The following SMKR1 variants were observed in gnomAD, a reference collection of about 807,000 sequenced individuals.
SMKR1 encodes small lysine rich protein 1, also known as small lysine-rich protein 1.
Under a neutral mutation model 4.0 loss-of-function variants are expected in SMKR1, and 4 were observed. The ratio of observed to expected loss-of-function variants is 1.00; its 90% CI spans 0.49 to 2.30. The LOEUF is 2.30. Ranked by LOEUF, SMKR1 falls within the 30% of genes most tolerant of loss-of-function variation. SMKR1 has a pLI of 0.02. For synonymous variants in SMKR1, 38 were observed against 32.5 expected (o/e 1.17, Z -0.58); for missense variants, 56 against 81.8 (o/e 0.68, Z 1.22).
rs1290078261 is a variant in SMKR1, at chr7:129,512,540, C to T, written c.*99C>T. On this transcript the variant is annotated 3_prime_UTR_variant, in exon 2 of 2. Coordinates refer to ENST00000462322, the MANE Select transcript of SMKR1 (RefSeq NM_001195243.2). ...CCAGCAACATAGACTTTACTCCAGA[C>T]GACTTGAGATGCAAATTAAGTGTGC... 1.8e-5 allele frequency: 21 copies of T among 1,190,008 alleles called. No homozygotes were observed. The highest frequency in any genetic ancestry group is 2.2e-4 in the Middle Eastern group (1 of 4,488). 73.7% of individuals were successfully genotyped at this position (1,190,008 alleles called of 1,614,324 possible). A position where few individuals can be genotyped will look rare whatever the true frequency, so the allele number is the denominator to read the frequency against.
intron 1 of SMKR1, among the ~76,000 whole-genome samples, chr7:129,504,649 G>C (rs927320579): frequency 5.4e-4 from 82 of 152,102 alleles, no homozygotes; most frequent in African/African-American, 1.8e-3. Context: ...GAATTCCTGG[G>C]CTCAAGGGGT....
rs1421365495 is a variant in SMKR1 at position 129,503,228 on chromosome 7, G to T, written c.3+401G>T. On this transcript the variant is annotated intron_variant, in intron 1 of 1. Coordinates refer to ENST00000462322, the MANE Select transcript of SMKR1 (RefSeq NM_001195243.2). Reference sequence around the variant, plus strand: ...CTCCACTGCTCTGCAGACTCAGGAAGCAGAGAGTGAGCCTGGTACCACCAC... The same window carrying T: ...CTCCACTGCTCTGCAGACTCAGGAATCAGAGAGTGAGCCTGGTACCACCAC... 1.3e-5 allele frequency among the ~76,000 whole-genome samples: 2 copies of T among 151,772 alleles called. 1 individual carries two copies. The highest frequency in any genetic ancestry group is 4.9e-5 in the African/African-American group (2 of 41,046).
At chr7:129,510,419 C>T (rs1352638203) in intron 1 of SMKR1, among the ~76,000 whole-genome samples, 1 of 152,142 alleles carries the variant, frequency 6.6e-6, no homozygotes, top group Admixed American at 6.6e-5. Flanking sequence ...AAATACAGCT[C>T]TGAGTGTTGG....
chr7:129,509,693 A>G (rs1799506535), intron 1 of SMKR1, among the ~76,000 whole-genome samples: 3 of 152,060 alleles, frequency 2.0e-5, no homozygotes, highest in Admixed American at 2.0e-4. Context: ...GGTGCACGCC[A>G]CCACACCTGG....
chr7:129,509,759 T>G (rs1365397683), intron 1 of SMKR1, among the ~76,000 whole-genome samples: 1 of 152,192 alleles, frequency 6.6e-6, no homozygotes. Flanking sequence ...CAGGCTGATC[T>G]CGAACTCCTG....
intron 1 of SMKR1, 64 bp downstream of exon 1, chr7:129,502,891 C>T: frequency 1.3e-6 from 2 of 1,530,878 alleles, no homozygotes; most frequent in South Asian, 2.4e-5. Context: ...CAGGCTGTCC[C>T]GGAGAGGCGC....
intron 1 of SMKR1, among the ~76,000 whole-genome samples, chr7:129,504,436 C>T (rs927294239): frequency 3.9e-5 from 6 of 152,244 alleles, no homozygotes; most frequent in South Asian, 4.1e-4. Flanking sequence ...CCACAGGCCA[C>T]GCTTAGGGAG....
intron 1 of SMKR1, among the ~76,000 whole-genome samples, chr7:129,509,548 G>GTT (rs558982973): frequency 6.9e-6 from 1 of 145,628 alleles, no homozygotes; most frequent in Non-Finnish European, 1.5e-5. Flanking sequence ...TATTTCAGCA[G>GTT]TTTTTTTTTT....
At chr7:129,509,674 G>T (rs1799506349) in intron 1 of SMKR1, among the ~76,000 whole-genome samples, 1 of 152,004 alleles carries the variant, frequency 6.6e-6, no homozygotes, top group Non-Finnish European at 1.5e-5. Context: ...CTAAGTAGCT[G>T]GGATTACAGG....
Position 129,502,763 on chromosome 7 carries a change from G to C in SMKR1, c.-62G>C. ...GGCGCTGGGGGCAGCGGCCCCGGTG[G>C]ATGCTAAGGGCTTCGGGATCGGGAG... is the stretch of plus-strand genomic sequence containing the variant. On this transcript the variant is annotated 5_prime_UTR_variant, in exon 1 of 2. Coordinates refer to ENST00000462322, the MANE Select transcript of SMKR1 (RefSeq NM_001195243.2). The C allele has an allele frequency of 6.5e-7, 1 of 1,534,676 alleles. No homozygotes were observed. Among genetic ancestry groups the C allele is most frequent in the African/African-American group, 1.4e-5 (1 of 72,432 alleles).
chr7:129,505,444 G>A (rs763527292), intron 1 of SMKR1, among the ~76,000 whole-genome samples: 1 of 151,848 alleles, frequency 6.6e-6, no homozygotes, highest in Non-Finnish European at 1.5e-5. Context: ...ACAGAATATA[G>A]ACATGGTGTC....
In SMKR1 at chr7:129,504,351, G is replaced by A. The variant is rs142276311; in HGVS notation, c.3+1524G>A. Among the ~76,000 whole-genome samples, 355 of 152,244 alleles carry A rather than the reference G, an allele frequency of 2.3e-3. 1 individual carries two copies. The highest frequency in any genetic ancestry group is 7.8e-3 in the African/African-American group (324 of 41,524). ...CCATGTTGGCCTTTTTTGGGTTTCCGTCTCTTTGTGCACCTTCTCTCCGGC... is the reference window on the plus strand; with the variant it reads ...CCATGTTGGCCTTTTTTGGGTTTCCATCTCTTTGTGCACCTTCTCTCCGGC... On this transcript the variant is annotated intron_variant, in intron 1 of 1. Transcript: ENST00000462322.
rs1199657885 is a variant in SMKR1 at position 129,512,259 on chromosome 7, A to T, written c.16A>T (p.Lys6Ter). 5 of 1,509,820 alleles carry T rather than the reference A, an allele frequency of 3.3e-6. No individual in the cohort carries two copies. Among genetic ancestry groups the T allele is most frequent in the Non-Finnish European group, 4.4e-6 (5 of 1,140,108 alleles). The allele number at this position is 1,509,820 out of a possible 1,614,324, so 93.5% of individuals were successfully genotyped here. A position where few individuals can be genotyped will look rare whatever the true frequency, so the allele number is the denominator to read the frequency against. Residue 6 changes from lysine to a stop codon, truncating the protein, a stop_gained, in exon 2 of 2, where the codon AAA becomes TAA. Transcript: ENST00000462322. LOFTEE classifies it high-confidence loss of function. The stretch of plus-strand genomic sequence containing the variant: ...TTGTCTTTGAAAGCCAGCTAAAGGG[A>T]AAAAAGGAAAAGGCCAGGGCAAGTC... MPAKG[K>*]KGKGQGKSHG... is the part of the protein sequence containing the mutation.
chr7:129,506,451 T>C (rs1048433886), intron 1 of SMKR1, among the ~76,000 whole-genome samples: 1 of 152,004 alleles, frequency 6.6e-6, no homozygotes, highest in African/African-American at 2.4e-5. Flanking sequence ...AAAAAATAAA[T>C]AAAAAATAAA....
chr7:129,509,371 T>C lies in SMKR1; in HGVS notation c.4-2876T>C, dbSNP rs187304125. 1.1e-3 allele frequency among the ~76,000 whole-genome samples: 160 copies of C among 152,250 alleles called. 1 individual carries two copies. The highest frequency in any genetic ancestry group is 3.8e-3 in the African/African-American group (157 of 41,550). On this transcript the variant is annotated intron_variant, in intron 1 of 1. Coordinates refer to ENST00000462322, the MANE Select transcript of SMKR1 (RefSeq NM_001195243.2). ...AAGTCTTTAAGAGCTTCTGGTAAAA[T>C]GTACATCCCGTACCTCATGGGGCTG...
In SMKR1 at chr7:129,512,385, C is replaced by T; in HGVS notation, c.142C>T (p.Leu48=). The change falls in exon 2 of 2, where the codon CTG becomes TTG. Residue 48 remains leucine (L), a synonymous_variant. Transcript: ENST00000462322. ...IAHNVADCLH[L]RGFHWPGAPK... ...CCACAACGTCGCTGACTGCCTGCAT[C>T]TGCGAGGCTTCCATTGGCCGGGTGC... The T allele has an allele frequency of 6.5e-7, 1 of 1,536,050 alleles. No individual in the cohort carries two copies. The highest frequency in any genetic ancestry group is 8.7e-7 in the Non-Finnish European group (1 of 1,146,866).
At chr7:129,507,276 A>G (rs184653552) in intron 1 of SMKR1, among the ~76,000 whole-genome samples, 66 of 152,252 alleles carry the variant, frequency 4.3e-4, no homozygotes, top group African/African-American at 1.5e-3. Context: ...CGGACTCCCA[A>G]AGTGCTGGGA....
rs1255164390 is a variant in SMKR1, at chr7:129,502,755, C to T, written c.-70C>T. On this transcript the variant is annotated 5_prime_UTR_variant, in exon 1 of 2. Transcript: ENST00000462322. ...GGGGAACGGGCGCTGGGGGCAGCGGCCCCGGTGGATGCTAAGGGCTTCGGG... is the reference window on the plus strand; with the variant it reads ...GGGGAACGGGCGCTGGGGGCAGCGGTCCCGGTGGATGCTAAGGGCTTCGGG... The T allele has an allele frequency of 5.9e-6, 9 of 1,533,840 alleles. No individual in the cohort carries two copies. Among genetic ancestry groups the T allele is most frequent in the Non-Finnish European group, 3.5e-6 (4 of 1,145,984 alleles).
chr7:129,510,083 G>A (rs1270122564), intron 1 of SMKR1, among the ~76,000 whole-genome samples: 1 of 152,122 alleles, frequency 6.6e-6, no homozygotes, highest in Non-Finnish European at 1.5e-5. Context: ...ACTCAGTTTT[G>A]TGCAGTTCTA....
Sources: gnomAD v4.1 joint callset for allele counts (sites outside exome capture counted in the v4.1 genomes callset) on GRCh38, gnomAD v4.1.1 for gene constraint, MANE v1.5 for transcripts, NCBI Gene and HGNC (gene_info 2026-07-23, HGNC 2026-07-21) for gene names.